Variants in NUCB2 observed in about 807,000 individuals in gnomAD.
The protein encoded by NUCB2 is nucleobindin-2.
In NUCB2, 48 loss-of-function variants were observed where a neutral mutation model predicts 57.9. That is an observed-to-expected ratio of 0.83 (90% CI 0.66 to 1.05). NUCB2 has a LOEUF of 1.05. NUCB2 is among the 50% of genes least tolerant of loss of function. NUCB2 has a pLI of 0.00. For missense variants in NUCB2, 442 were observed against 476.2 expected, an observed-to-expected ratio of 0.93 and a Z score of 0.67; for synonymous variants, 139 against 152.1, an observed-to-expected ratio of 0.91 and a Z score of 0.64.
intron 11 of NUCB2, among the ~76,000 whole-genome samples, chr11:17,327,690 A>G (rs1254407506): frequency 2.0e-5 from 3 of 152,052 alleles, no homozygotes; most frequent in African/African-American, 7.2e-5. Flanking sequence ...CTTATACTTG[A>G]TCAGTTCTGC....
At chr11:17,320,513 C>T (rs911828141) in intron 11 of NUCB2, among the ~76,000 whole-genome samples, 5 of 152,080 alleles carry the variant, frequency 3.3e-5, no homozygotes, top group East Asian at 1.9e-4. Flanking sequence ...AAAAATTAGC[C>T]GGGAGTGGTG....
At chr11:17,296,025 T>C (rs1446846192) in intron 3 of NUCB2, 79 bp from the exon 4 acceptor site, 6 of 678,678 alleles carry the variant, frequency 8.8e-6, no homozygotes, top group Non-Finnish European at 1.5e-5. Context: ...TGCTAGAAAT[T>C]GTTTCACAGG....
At chr11:17,342,744 A>G (rs1355550156) in intron 2 of NUCB2, among the ~76,000 whole-genome samples, 7 of 149,420 alleles carry the variant, frequency 4.7e-5, no homozygotes, top group African/African-American at 1.7e-4. Flanking sequence ...TATGTGGTCA[A>G]TTTTGGAATA....
At chr11:17,288,531 TTTC>T (rs1229608955) in intron 2 of NUCB2, among the ~76,000 whole-genome samples, 115 of 136,898 alleles carry the variant, frequency 8.4e-4, no homozygotes, top group Non-Finnish European at 1.3e-3. Flanking sequence ...ATTTTATCTT[TTTC>T]TTCTTCTTCT....
rs1234472716 is a variant in NUCB2, at chr11:17,311,200, A to G, written c.677A>G (p.Lys226Arg). ...TTTAAAATTGGTTCACAGGGAAGCA[A>G]AGATCAACTAAAAGAGGTATGGGAA... ...NHPKVNHPGS[K>R]DQLKEVWEET... The change falls in exon 8 of 14, where the codon AAA becomes AGA. Residue 226 changes from lysine to arginine, a missense_variant. Transcript: ENST00000529010. 2.5e-6 allele frequency: 4 copies of G among 1,602,456 alleles called. No individual in the cohort carries two copies. The highest frequency in any genetic ancestry group is 3.4e-6 in the Non-Finnish European group (4 of 1,176,808).
At chr11:17,287,719 G>GCTAGAT (rs1246553795) in intron 2 of NUCB2, among the ~76,000 whole-genome samples, 1 of 151,842 alleles carries the variant, frequency 6.6e-6, no homozygotes, top group Non-Finnish European at 1.5e-5. Context: ...AACTTTAAGG[G>GCTAGAT]CTAGATGTGG....
At chr11:17,291,544 T>TAAAAAAAAAAAAAA (rs1565383458) in intron 2 of NUCB2, among the ~76,000 whole-genome samples, 1 of 1,582 alleles carries the variant, frequency 6.3e-4, no homozygotes, top group Non-Finnish European at 1.9e-3. Context: ...AGACTCTGCA[T>TAAAAAAAAAAAAAA]CAAAAAAAAA....
chr11:17,311,112 C>A, intron 7 of NUCB2, 81 bp from the exon 8 acceptor site: 1 of 1,412,690 alleles, frequency 7.1e-7, no homozygotes, highest in Non-Finnish European at 9.6e-7. Flanking sequence ...ATTCTTCTGC[C>A]AAGTTCCTCA....
downstream of NUCB2, among the ~76,000 whole-genome samples, chr11:17,334,649 G>A (rs1299925703): frequency 6.6e-6 from 1 of 152,206 alleles, no homozygotes; most frequent in Non-Finnish European, 1.5e-5. Context: ...ACTTTGGGAA[G>A]CCAAGGTGAG....
chr11:17,312,908 T>C (rs1272284169), intron 10 of NUCB2, among the ~76,000 whole-genome samples: 5 of 151,810 alleles, frequency 3.3e-5, no homozygotes, highest in Admixed American at 2.0e-4. Flanking sequence ...GGTTTCACCA[T>C]GTTTGCCAGG....
chr11:17,304,582 T>C (rs935234541), intron 5 of NUCB2, among the ~76,000 whole-genome samples: 4 of 151,836 alleles, frequency 2.6e-5, no homozygotes, highest in African/African-American at 7.3e-5. Context: ...ACAGATGATA[T>C]GATGTTTATA....
chr11:17,316,119 C>T (rs999915733), intron 11 of NUCB2, among the ~76,000 whole-genome samples: 1 of 151,872 alleles, frequency 6.6e-6, no homozygotes, highest in African/African-American at 2.4e-5. Context: ...TTACAGGTGC[C>T]CGCCACCACG....
intron 11 of NUCB2, among the ~76,000 whole-genome samples, chr11:17,326,399 C>T (rs1405984503): frequency 7.0e-6 from 1 of 143,538 alleles, no homozygotes; most frequent in Non-Finnish European, 1.5e-5. Flanking sequence ...CTCACCGCAA[C>T]CTCTGCCTCC....
rs1476690542 is a variant in NUCB2 at position 17,310,817 on chromosome 11, C to T, written c.484-8C>T. 1.3e-6 allele frequency: 2 copies of T among 1,566,516 alleles called. No individual in the cohort carries two copies. The highest frequency in any genetic ancestry group is 2.8e-5 in the African/African-American group (2 of 71,698). The stretch of plus-strand genomic sequence containing the variant: ...TTTATTTAACTTAAATGCATTATTG[C>T]ATTTCAGGCAACAAGTGATCTGGAA... On this transcript the variant is annotated splice_region_variant and splice_polypyrimidine_tract_variant and intron_variant, in intron 6 of 13. Coordinates refer to ENST00000529010, the MANE Select transcript of NUCB2 (RefSeq NM_005013.4).
intron 2 of NUCB2, among the ~76,000 whole-genome samples, chr11:17,285,563 C>T (rs1351777122): frequency 1.7e-4 from 23 of 137,836 alleles, no homozygotes; most frequent in African/African-American, 2.7e-4. Flanking sequence ...TGCAACAGAG[C>T]GAGACACTGT....
At position 17,330,694 on chromosome 11, in the gene NUCB2, C is replaced by T. The variant is rs970925133; in HGVS notation, c.1174-208C>T. 5.9e-5 allele frequency among the ~76,000 whole-genome samples: 9 copies of T among 152,176 alleles called. No homozygotes were observed. Among genetic ancestry groups the T allele is most frequent in the African/African-American group, 9.7e-5 (4 of 41,440 alleles). The stretch of plus-strand genomic sequence containing the variant: ...GTGTTGCCGAGGCTGGTCTCGAACT[C>T]CTGGCCTTAAGTGATCTTCCCACCT... On this transcript the variant is annotated intron_variant, in intron 12 of 13. Coordinates refer to ENST00000529010, the MANE Select transcript of NUCB2 (RefSeq NM_005013.4). The surrounding 1 kb of genome is among the most constrained non-coding windows in gnomAD (Gnocchi z 4.3).
chr11:17,313,050 G>A (rs538357516), intron 10 of NUCB2, among the ~76,000 whole-genome samples: 5 of 151,226 alleles, frequency 3.3e-5, no homozygotes, highest in South Asian at 2.1e-4. Context: ...TCTTTGCTAC[G>A]TTGCCCAGGC....
intron 4 of NUCB2, among the ~76,000 whole-genome samples, chr11:17,299,951 A>C (rs1205607686): frequency 2.0e-5 from 3 of 152,108 alleles, no homozygotes; most frequent in Non-Finnish European, 4.4e-5. Flanking sequence ...TTGACATATA[A>C]TTCATACACC....
chr11:17,297,946 G>C (rs1229883423), intron 4 of NUCB2, among the ~76,000 whole-genome samples: 1 of 152,008 alleles, frequency 6.6e-6, no homozygotes, highest in Non-Finnish European at 1.5e-5. Flanking sequence ...GCCGGGTGTG[G>C]TGGCAGGCAC....
Sources: gnomAD v4.1 joint callset for allele counts (sites outside exome capture counted in the v4.1 genomes callset) on GRCh38, gnomAD v4.1.1 for gene constraint, Gnocchi (gnomAD v3.1) non-coding constraint, MANE v1.5 for transcripts, NCBI Gene and HGNC (gene_info 2026-07-23, HGNC 2026-07-21) for gene names.